STK32B: variants seen among roughly 807,000 people sequenced by gnomAD.
The protein encoded by STK32B is serine/threonine kinase 32B.
STK32B carries 43 observed loss-of-function variants against 52.6 expected under a neutral mutation model. The observed-to-expected ratio is 0.82, with a 90% CI of 0.64 to 1.05. STK32B has a LOEUF of 1.05. STK32B is among the 50% of genes least tolerant of loss of function. The probability of loss-of-function intolerance (pLI) is 0.00; values close to 1 mark genes in which losing one functional copy is unlikely to be tolerated. For missense variants in STK32B, 621 were observed against 534.6 expected, an observed-to-expected ratio of 1.16 and a Z score of -1.59; for synonymous variants, 238 against 204.3, an observed-to-expected ratio of 1.17 and a Z score of -1.41.
At chr4:5,020,730 A>C in the STK32B span, among the ~76,000 whole-genome samples, 1 of 86,020 alleles carries the variant, frequency 1.2e-5, no homozygotes, top group Non-Finnish European at 2.6e-5. Context: ...AGCAAGAAGG[A>C]ACTGTCAAAA....
chr4:5,497,724 TCA>T (rs1159422067), intron 11 of STK32B, among the ~76,000 whole-genome samples: 1 of 149,878 alleles, frequency 6.7e-6, no homozygotes, highest in Non-Finnish European at 1.5e-5. Context: ...ACACACACAC[TCA>T]TACACACAAC....
chr4:5,438,924 A>T (rs1714408626), intron 6 of STK32B, among the ~76,000 whole-genome samples: 1 of 151,766 alleles, frequency 6.6e-6, no homozygotes, highest in Admixed American at 6.6e-5. Flanking sequence ...CCTACAAAGG[A>T]CATGAACTCA....
chr4:5,205,875 G>C (rs1003521494), intron 3 of STK32B, among the ~76,000 whole-genome samples: 1 of 152,144 alleles, frequency 6.6e-6, no homozygotes, highest in African/African-American at 2.4e-5. Context: ...TGCATCTCAG[G>C]TTACTGGGAC....
intron 9 of STK32B, 60 bp from the exon 10 acceptor site, chr4:5,466,640 AAAG>A (rs1189722213): frequency 1.6e-5 from 25 of 1,537,782 alleles, no homozygotes; most frequent in Non-Finnish European, 2.2e-5. Context: ...GAATTAATGA[AAAG>A]AAAATTCAGT....
intron 1 of STK32B, among the ~76,000 whole-genome samples, chr4:5,098,332 G>T (rs1432615348): frequency 6.6e-6 from 1 of 152,194 alleles, no homozygotes; most frequent in Non-Finnish European, 1.5e-5. Context: ...GTAACAGGAG[G>T]ACCCTGGGAA....
At chr4:5,235,577 A>C (rs1276563891) in intron 3 of STK32B, among the ~76,000 whole-genome samples, 1 of 152,224 alleles carries the variant, frequency 6.6e-6, no homozygotes, top group African/African-American at 2.4e-5. Flanking sequence ...ACCTTAGCCA[A>C]ATATATCAGA....
chr4:5,175,598 C>T (rs971244067), intron 3 of STK32B, among the ~76,000 whole-genome samples: 2 of 152,204 alleles, frequency 1.3e-5, no homozygotes, highest in Admixed American at 6.5e-5. Context: ...GTATCAGCAG[C>T]AGTGGCTGCA....
chr4:5,298,741 C>T (rs1403384903), intron 3 of STK32B, among the ~76,000 whole-genome samples: 3 of 151,984 alleles, frequency 2.0e-5, no homozygotes, highest in Non-Finnish European at 4.4e-5. Flanking sequence ...GGGGTGGGAC[C>T]CACTGAGCAA....
intron 3 of STK32B, among the ~76,000 whole-genome samples, chr4:5,290,736 A>G (rs1193738908): frequency 6.7e-6 from 1 of 148,468 alleles, no homozygotes; most frequent in African/African-American, 2.5e-5. Flanking sequence ...AAACTATAAA[A>G]CAGCATTGAA....
chr4:5,346,950 G>A (rs1733506642), intron 4 of STK32B, among the ~76,000 whole-genome samples: 3 of 152,196 alleles, frequency 2.0e-5, no homozygotes, highest in Admixed American at 2.0e-4. Flanking sequence ...ATGTGAAGGA[G>A]GAACTGTCAA....
intron 1 of STK32B, among the ~76,000 whole-genome samples, chr4:5,088,606 T>C (rs1577060332): frequency 2.6e-5 from 4 of 152,018 alleles, no homozygotes; most frequent in Admixed American, 2.6e-4. Flanking sequence ...ATAACTAAAA[T>C]AGTATAATTG....
chr4:5,211,650 G>A (rs977211094), intron 3 of STK32B, among the ~76,000 whole-genome samples: 7 of 152,158 alleles, frequency 4.6e-5, no homozygotes, highest in African/African-American at 1.7e-4. Context: ...CTCCCTGCCA[G>A]CCTTCTCTCT....
intron 3 of STK32B, among the ~76,000 whole-genome samples, chr4:5,301,746 C>CT (rs3077862): frequency 0.11 from 13,664 of 124,248 alleles, 802 homozygotes; most frequent in African/African-American, 0.17. Context: ...GTTCCATTAG[C>CT]TTTTTTTTTT....
chr4:5,207,966 ATGT>A (rs1722675543), intron 3 of STK32B, among the ~76,000 whole-genome samples: 1 of 152,014 alleles, frequency 6.6e-6, no homozygotes, highest in African/African-American at 2.4e-5. Context: ...TTCTGGTTTG[ATGT>A]TGTGTTACAG....
chr4:5,264,583 G>A (rs1017416184), intron 3 of STK32B, among the ~76,000 whole-genome samples: 1 of 151,784 alleles, frequency 6.6e-6, no homozygotes, highest in Non-Finnish European at 1.5e-5. Context: ...TCGGGGGATC[G>A]AGACCATCCT....
intron 3 of STK32B, among the ~76,000 whole-genome samples, chr4:5,307,874 G>A (rs1024712658): frequency 1.8e-4 from 28 of 151,968 alleles, no homozygotes; most frequent in African/African-American, 5.6e-4. Context: ...CCTGAGAGCC[G>A]AACTGCAGTG....
At chr4:5,116,226 A>T (rs894012884) in intron 1 of STK32B, among the ~76,000 whole-genome samples, 1 of 151,608 alleles carries the variant, frequency 6.6e-6, no homozygotes, top group African/African-American at 2.4e-5. Flanking sequence ...TTCCTACATT[A>T]CCTGCAAGCA....
intron 11 of STK32B, 143 bp downstream of exon 11, chr4:5,468,213 G>A: frequency 1.3e-6 from 1 of 782,026 alleles, no homozygotes. Context: ...CAGGGCTCTG[G>A]TGGGGGGTGA....
intron 3 of STK32B, among the ~76,000 whole-genome samples, chr4:5,226,474 C>T (rs998002211): frequency 1.3e-5 from 2 of 152,110 alleles, no homozygotes; most frequent in African/African-American, 2.4e-5. Flanking sequence ...AATTGCCCAC[C>T]GTTCGGAAAA....
Sources: gnomAD v4.1 joint callset for allele counts (sites outside exome capture counted in the v4.1 genomes callset) on GRCh38, gnomAD v4.1.1 for gene constraint, MANE v1.5 for transcripts, NCBI Gene and HGNC (gene_info 2026-07-23, HGNC 2026-07-21) for gene names.